CDS2: variants seen among roughly 807,000 people sequenced by gnomAD.
CDS2 encodes the protein phosphatidate cytidylyltransferase 2.
Under a neutral mutation model 59.0 loss-of-function variants are expected in CDS2, and 47 were observed. The ratio of observed to expected loss-of-function variants is 0.80; its 90% CI spans 0.63 to 1.02. CDS2 has a LOEUF of 1.02. Among genes scored for constraint, CDS2 ranks in the 50% least tolerant of loss-of-function variants. CDS2 has a pLI of 0.00. For synonymous variants in CDS2, 207 were observed against 206.4 expected, an observed-to-expected ratio of 1.00 and a Z score of -0.02; for missense variants, 356 against 558.9, an observed-to-expected ratio of 0.64 and a Z score of 3.66.
intron 1 of CDS2, among the ~76,000 whole-genome samples, chr20:5,155,839 G>A (rs900324877): frequency 6.6e-6 from 1 of 152,114 alleles, no homozygotes; most frequent in Non-Finnish European, 1.5e-5. Context: ...TTTCTTAGTG[G>A]CTTCTAGGGA....
chr20:5,182,275 G>C (rs978789244), intron 5 of CDS2, 112 bp from the exon 6 acceptor site: 2 of 830,508 alleles, frequency 2.4e-6, no homozygotes, highest in Non-Finnish European at 3.7e-6. Context: ...ATTGTGCACT[G>C]GTTAGCTGCT....
At chr20:5,127,753 T>TGGGTA (rs1193155386) in intron 1 of CDS2, among the ~76,000 whole-genome samples, 1 of 144,536 alleles carries the variant, frequency 6.9e-6, no homozygotes, top group Non-Finnish European at 1.5e-5. Context: ...TGGGCTCTGG[T>TGGGTA]GGGTAGGGGA....
intron 5 of CDS2, 101 bp from the exon 6 acceptor site, chr20:5,182,286 G>A (rs956339687): frequency 1.0e-5 from 10 of 958,714 alleles, no homozygotes; most frequent in Non-Finnish European, 1.1e-5. Flanking sequence ...GTTAGCTGCT[G>A]GGAATAAATT....
At position 5,189,722 on chromosome 20, in the gene CDS2, C is replaced by T; in HGVS notation, c.1102-13C>T. On this transcript the variant is annotated splice_polypyrimidine_tract_variant and intron_variant, in intron 11 of 12. Coordinates refer to ENST00000460006, the MANE Select transcript of CDS2 (RefSeq NM_003818.4). Reference sequence around the variant, plus strand: ...GAGCCCAAGTTCACCCATCCTTCCCCTGCCTCTAACAGGACTTTGCCAATA... The same window carrying T: ...GAGCCCAAGTTCACCCATCCTTCCCTTGCCTCTAACAGGACTTTGCCAATA... 1 of 1,607,370 alleles carries T rather than the reference C, an allele frequency of 6.2e-7. No homozygotes were observed.
At chr20:5,157,550 G>A (rs574315372) in intron 1 of CDS2, among the ~76,000 whole-genome samples, 45 of 152,266 alleles carry the variant, frequency 3.0e-4, no homozygotes, top group African/African-American at 1.0e-3. Flanking sequence ...GAAACACCAT[G>A]AGCTCAGTGG....
intron 1 of CDS2, among the ~76,000 whole-genome samples, chr20:5,150,521 T>C (rs2090780249): frequency 6.6e-6 from 1 of 152,200 alleles, no homozygotes; most frequent in Admixed American, 6.5e-5. Context: ...AGCAGGGCCA[T>C]GAGGAGTGGG....
At chr20:5,157,250 G>A (rs76934799) in intron 1 of CDS2, among the ~76,000 whole-genome samples, 3,833 of 152,240 alleles carry the variant, frequency 0.025, 70 homozygotes, top group East Asian at 0.08. Flanking sequence ...GTAGGCTGAA[G>A]CCAGACTCGG....
At chr20:5,154,222 C>T (rs1274518160) in intron 1 of CDS2, among the ~76,000 whole-genome samples, 1 of 152,216 alleles carries the variant, frequency 6.6e-6, no homozygotes, top group Non-Finnish European at 1.5e-5. Context: ...ATAGCCCATA[C>T]CTGGAAACTT....
At chr20:5,158,199 G>A (rs1252765914) in intron 1 of CDS2, among the ~76,000 whole-genome samples, 1 of 119,838 alleles carries the variant, frequency 8.3e-6, no homozygotes, top group Non-Finnish European at 1.7e-5. Context: ...ACAGAGTTTT[G>A]CTCTTGGTTG....
intron 10 of CDS2, among the ~76,000 whole-genome samples, chr20:5,188,769 A>T (rs2091089719): frequency 2.0e-5 from 3 of 152,132 alleles, no homozygotes; most frequent in South Asian, 2.1e-4. Flanking sequence ...CATGGCGGAG[A>T]AGGTCAAAGG....
At chr20:5,129,568 G>A (rs372687648) in intron 1 of CDS2, among the ~76,000 whole-genome samples, 2 of 151,122 alleles carry the variant, frequency 1.3e-5, no homozygotes, top group African/African-American at 2.4e-5. Context: ...TCAGCCGCCC[G>A]AGTAGCTGGG....
chr20:5,132,908 C>CACGG (rs2090618939), intron 1 of CDS2, among the ~76,000 whole-genome samples: 1 of 151,998 alleles, frequency 6.6e-6, no homozygotes, highest in Non-Finnish European at 1.5e-5. Context: ...CGCGGTGGCT[C>CACGG]ACGCCTGTAA....
intron 1 of CDS2, among the ~76,000 whole-genome samples, chr20:5,158,885 G>C (rs2090854543): frequency 6.6e-6 from 1 of 152,144 alleles, no homozygotes; most frequent in Admixed American, 6.5e-5. Flanking sequence ...ATACGTTAGG[G>C]GTTCTCCAAA....
chr20:5,141,454 G>C (rs191591095), intron 1 of CDS2, among the ~76,000 whole-genome samples: 1 of 152,138 alleles, frequency 6.6e-6, no homozygotes, highest in Admixed American at 6.5e-5. Flanking sequence ...ACATGCTGGG[G>C]GGGTGGTGCA....
chr20:5,158,460 G>A lies in CDS2; in HGVS notation c.58-15063G>A, dbSNP rs376078688. Among the ~76,000 whole-genome samples the A allele has an allele frequency of 1.9e-3, 285 of 152,238 alleles. 1 individual carries two copies. The highest frequency in any genetic ancestry group is 6.6e-3 in the African/African-American group (273 of 41,550). ...GTGCTGGGATTACATGTAGGTGTAA[G>A]CCACTGGGCCTGGCCTAGGTCATCA... On this transcript the variant is annotated intron_variant, in intron 1 of 12. Transcript: ENST00000460006.
chr20:5,177,780 G>A (rs552313785), intron 4 of CDS2, among the ~76,000 whole-genome samples: 45 of 152,334 alleles, frequency 3.0e-4, no homozygotes, highest in African/African-American at 1.0e-3. Context: ...TCACCCAACA[G>A]ACAGGCTGCC....
intron 1 of CDS2, chr20:5,128,080 C>G (rs2090570856): frequency 6.6e-6 from 1 of 152,222 alleles, no homozygotes; most frequent in African/African-American, 2.4e-5. Flanking sequence ...TAGATGTTTT[C>G]TTTGGCCCAC....
chr20:5,186,670 C>A lies in CDS2; in HGVS notation c.829-17C>A. On this transcript the variant is annotated splice_polypyrimidine_tract_variant and intron_variant, in intron 9 of 12. Coordinates refer to ENST00000460006, the MANE Select transcript of CDS2 (RefSeq NM_003818.4). ...GGAACTTACTTCCTTGCCGGTCTCTCTGTTATTCCTCCTCAGCTGTCCTAT... is the reference window on the plus strand; with the variant it reads ...GGAACTTACTTCCTTGCCGGTCTCTATGTTATTCCTCCTCAGCTGTCCTAT... 2 of 1,613,500 alleles carry A rather than the reference C, an allele frequency of 1.2e-6. No individual in the cohort carries two copies. Among genetic ancestry groups the A allele is most frequent in the Non-Finnish European group, 1.7e-6 (2 of 1,179,494 alleles).
chr20:5,143,809 G>T (rs1233102694), intron 1 of CDS2, among the ~76,000 whole-genome samples: 1 of 147,146 alleles, frequency 6.8e-6, no homozygotes, highest in African/African-American at 2.6e-5. Context: ...CTGTCATCCA[G>T]GCTGGAGTGC....
Sources: gnomAD v4.1 joint callset for allele counts (sites outside exome capture counted in the v4.1 genomes callset) on GRCh38, gnomAD v4.1.1 for gene constraint, MANE v1.5 for transcripts, NCBI Gene and HGNC (gene_info 2026-07-23, HGNC 2026-07-21) for gene names.